MSR1: variants seen among roughly 807,000 people sequenced by gnomAD.
The protein encoded by MSR1 is macrophage scavenger receptor types I and II.
Under a neutral mutation model 47.2 loss-of-function variants are expected in MSR1, and 53 were observed. That is an observed-to-expected ratio of 1.12 (90% CI 0.90 to 1.41). The LOEUF is 1.41. Among genes scored for constraint, MSR1 ranks in the 40% most tolerant of loss-of-function variants. The pLI is 0.00. For missense variants in MSR1, 786 were observed against 546.9 expected (o/e 1.44, Z -4.36); for synonymous variants, 239 against 185.6 (o/e 1.29, Z -2.34).
At chr8:16,166,910 A>C (rs1801327847) in intron 4 of MSR1, among the ~76,000 whole-genome samples, 1 of 148,200 alleles carries the variant, frequency 6.7e-6, no homozygotes. Flanking sequence ...GAGCGTCCCA[A>C]TGTTGTTTTT....
intron 7 of MSR1, 93 bp from the exon 8 acceptor site, chr8:16,143,704 A>G (rs1585156851): frequency 1.2e-6 from 1 of 859,386 alleles, no homozygotes; most frequent in East Asian, 2.6e-5. Context: ...TAATTAAAAT[A>G]TAATAGAATG....
chr8:16,167,510 A>C (rs1055841566), intron 4 of MSR1, among the ~76,000 whole-genome samples: 4 of 152,152 alleles, frequency 2.6e-5, no homozygotes, highest in African/African-American at 4.8e-5. Flanking sequence ...TCACCATTGC[A>C]CTCCAGCCTG....
intron 8 of MSR1, among the ~76,000 whole-genome samples, chr8:16,137,312 T>C (rs921034525): frequency 6.6e-6 from 1 of 152,120 alleles, no homozygotes; most frequent in Admixed American, 6.6e-5. Context: ...AAAGAATAAC[T>C]GAGAATGCTT....
intron 7 of MSR1, among the ~76,000 whole-genome samples, chr8:16,145,837 T>C (rs1800681683): frequency 6.6e-6 from 1 of 152,126 alleles, no homozygotes; most frequent in Admixed American, 6.6e-5. Context: ...GAGAGGAATG[T>C]AGTGGTCCTT....
chr8:16,155,038 T>C (rs1800963287), intron 6 of MSR1, 26 bp downstream of exon 6: 2 of 1,578,376 alleles, frequency 1.3e-6, no homozygotes, highest in African/African-American at 1.3e-5. Context: ...TCACAGTATA[T>C]GATTAAATAG....
chr8:16,113,796 A>AAGT, intron 9 of MSR1, among the ~76,000 whole-genome samples: 1 of 152,254 alleles, frequency 6.6e-6, no homozygotes, highest in East Asian at 1.9e-4. Flanking sequence ...TGAAGATCTT[A>AAGT]AGTATAAAGG....
At chr8:16,121,372 G>C (rs1409448814) in intron 8 of MSR1, among the ~76,000 whole-genome samples, 1 of 151,986 alleles carries the variant, frequency 6.6e-6, no homozygotes, top group Non-Finnish European at 1.5e-5. Flanking sequence ...ATAAACTTTT[G>C]TAAAATCTTG....
At chr8:16,175,500 A>G (rs1801620206) in intron 2 of MSR1, among the ~76,000 whole-genome samples, 200 bp from the exon 3 acceptor site, 1 of 152,204 alleles carries the variant, frequency 6.6e-6, no homozygotes, top group Non-Finnish European at 1.5e-5. Flanking sequence ...TAGGCACTTG[A>G]CTGACTTATC....
At chr8:16,179,724 C>T (rs1043608839) in intron 1 of MSR1, among the ~76,000 whole-genome samples, 3 of 146,456 alleles carry the variant, frequency 2.0e-5, no homozygotes, top group South Asian at 2.3e-4. Context: ...ACTAAAAATA[C>T]AAAACAATTA....
intron 8 of MSR1, among the ~76,000 whole-genome samples, chr8:16,142,153 A>T (rs2117111198): frequency 6.6e-6 from 1 of 152,118 alleles, no homozygotes; most frequent in Admixed American, 6.5e-5. Flanking sequence ...AAATGGTGAA[A>T]CCCCGTATCT....
chr8:16,184,337 T>C (rs60588985), intron 1 of MSR1, among the ~76,000 whole-genome samples: 150 of 152,222 alleles, frequency 9.9e-4, no homozygotes, highest in African/African-American at 3.4e-3. Flanking sequence ...AAATAAAATG[T>C]TTTAATTTGA....
intron 8 of MSR1, among the ~76,000 whole-genome samples, chr8:16,135,264 G>A (rs557364532): frequency 1.3e-5 from 2 of 152,022 alleles, no homozygotes; most frequent in Non-Finnish European, 2.9e-5. Flanking sequence ...CCTTGTTAGG[G>A]GCTAATGCAG....
intron 9 of MSR1, among the ~76,000 whole-genome samples, chr8:16,118,691 C>A (rs2117057739): frequency 6.6e-6 from 1 of 151,940 alleles, no homozygotes; most frequent in Admixed American, 6.5e-5. Context: ...ACCAAAAAAA[C>A]AAAAACAAAA....
intron 8 of MSR1, among the ~76,000 whole-genome samples, chr8:16,136,695 T>G (rs1490074287): frequency 6.6e-6 from 1 of 152,184 alleles, no homozygotes; most frequent in Non-Finnish European, 1.5e-5. Context: ...CTCTGCCTCC[T>G]GGGTTCAAGC....
chr8:16,112,806 T>A (rs574047123), intron 9 of MSR1, among the ~76,000 whole-genome samples: 2 of 152,074 alleles, frequency 1.3e-5, no homozygotes, highest in East Asian at 3.9e-4. Context: ...CTTAGATATG[T>A]TTTTAATCTC....
chr8:16,171,701 A>G (rs555238082), intron 3 of MSR1, among the ~76,000 whole-genome samples: 72 of 152,334 alleles, frequency 4.7e-4, no homozygotes, highest in African/African-American at 1.6e-3. Context: ...AAACAATTTT[A>G]TCAAAATTAC....
chr8:16,162,307 T>C (rs1432691038), intron 5 of MSR1, among the ~76,000 whole-genome samples: 2 of 151,938 alleles, frequency 1.3e-5, no homozygotes, highest in Admixed American at 1.3e-4. Context: ...AGTAAAACAA[T>C]TTCAAAGATC....
intron 8 of MSR1, among the ~76,000 whole-genome samples, chr8:16,133,031 G>A (rs927748680): frequency 9.2e-5 from 14 of 152,102 alleles, no homozygotes; most frequent in African/African-American, 3.4e-4. Flanking sequence ...AGATCATCAT[G>A]TAGTTTTTGT....
chr8:16,132,137 A>G (rs1329086103), intron 8 of MSR1, among the ~76,000 whole-genome samples: 1 of 150,990 alleles, frequency 6.6e-6, no homozygotes, highest in Non-Finnish European at 1.5e-5. Context: ...ATGTTTTTCT[A>G]TTTTTTTGTG....
Sources: gnomAD v4.1 joint callset for allele counts (sites outside exome capture counted in the v4.1 genomes callset) on GRCh38, gnomAD v4.1.1 for gene constraint, MANE v1.5 for transcripts, NCBI Gene and HGNC (gene_info 2026-07-23, HGNC 2026-07-21) for gene names.